The following SENP6 variants were observed in gnomAD, a reference collection of about 807,000 sequenced individuals.
SENP6 encodes the protein SUMO specific peptidase 6.
A neutral mutation model predicts 134.5 loss-of-function variants in SENP6; 41 were observed. That is an observed-to-expected ratio of 0.30 (90% CI 0.24 to 0.40). The LOEUF is 0.40. Ranked by LOEUF, SENP6 falls within the 10% of genes least tolerant of loss-of-function variation. The probability of loss-of-function intolerance (pLI) is 1.00; values close to 1 mark genes in which losing one functional copy is unlikely to be tolerated. For missense variants in SENP6, 1,248 were observed against 1,312.5 expected, an observed-to-expected ratio of 0.95 and a Z score of 0.76; for synonymous variants, 395 against 429.8, an observed-to-expected ratio of 0.92 and a Z score of 1.00.
rs1277000931 is a variant in SENP6 at position 75,716,645 on chromosome 6, G to A, written c.*1051G>A. ...CCTTTAAAATAACTAAAATTTGATG[G>A]TTTCCATGACAGATTTATAGCACAT... On this transcript the variant is annotated 3_prime_UTR_variant, in exon 24 of 24. Transcript: ENST00000447266. 1 of 151,786 alleles carries A rather than the reference G, an allele frequency of 6.6e-6. No individual in the cohort carries two copies. Among genetic ancestry groups the A allele is most frequent in the Non-Finnish European group, 1.5e-5 (1 of 67,790 alleles). 9.4% of individuals were successfully genotyped at this position (151,786 alleles called of 1,614,324 possible). A position where few individuals can be genotyped will look rare whatever the true frequency, so the allele number is the denominator to read the frequency against.
intron 1 of SENP6, among the ~76,000 whole-genome samples, chr6:75,616,806 T>G (rs2149824874): frequency 6.6e-6 from 1 of 150,602 alleles, no homozygotes; most frequent in East Asian, 2.0e-4. Flanking sequence ...AGTGCATAAA[T>G]ATTACGACGT....
intron 7 of SENP6, among the ~76,000 whole-genome samples, chr6:75,650,039 A>G (rs1770751687): frequency 6.6e-6 from 1 of 152,158 alleles, no homozygotes; most frequent in African/African-American, 2.4e-5. Context: ...TCCACGATTC[A>G]TTCTGTGATC....
Position 75,623,908 on chromosome 6 carries a change from A to G in SENP6, c.155A>G (p.Asn52Ser). 1 of 1,607,216 alleles carries G rather than the reference A, an allele frequency of 6.2e-7. No homozygotes were observed. The highest frequency in any genetic ancestry group is 8.5e-7 in the Non-Finnish European group (1 of 1,176,456). ...SEGDTDKDGTNLLSVDEDEDS... is the reference protein window; with the variant it reads ...SEGDTDKDGTSLLSVDEDEDS... ...CCTTATTTTCTGTGTAGTGGGACAA[A>G]TCTGCTCAGTGTGGATGAAGATGAG... Residue 52 changes from asparagine (N) to serine (S), a missense_variant, in exon 3 of 24, where the codon AAT becomes AGT. Transcript: ENST00000447266.
intron 7 of SENP6, among the ~76,000 whole-genome samples, chr6:75,649,176 A>G (rs935945611): frequency 3.9e-5 from 6 of 152,028 alleles, no homozygotes; most frequent in Non-Finnish European, 8.8e-5. Flanking sequence ...TTAGCTGGGC[A>G]TGATGGCACA....
intron 3 of SENP6, among the ~76,000 whole-genome samples, chr6:75,626,140 G>GTTA (rs890357793): frequency 8.6e-5 from 13 of 151,536 alleles, no homozygotes; most frequent in African/African-American, 2.4e-4. Flanking sequence ...TGTTGTTGTT[G>GTTA]TTGTTTTTTA....
At chr6:75,625,112 CT>C (rs34953351) in intron 3 of SENP6, among the ~76,000 whole-genome samples, 1,295 of 112,086 alleles carry the variant, frequency 0.012, 14 homozygotes, top group African/African-American at 0.036. Context: ...TGTGTGTGTC[CT>C]TTTTTTTTTT....
In SENP6 at chr6:75,663,327, CAGGATT is replaced by C. The variant is rs1487316456; in HGVS notation, c.805_810del (p.Gly269_Leu270del). The C allele has an allele frequency of 6.2e-7, 1 of 1,613,698 alleles. No individual in the cohort carries two copies. The highest frequency in any genetic ancestry group is 8.5e-7 in the Non-Finnish European group (1 of 1,179,812). On this transcript the variant is annotated inframe_deletion, in exon 9 of 24. Transcript: ENST00000447266. The stretch of plus-strand genomic sequence containing the variant: ...TCTGGAGGACAGAAGTCACAAAACA[CAGGATT>C]AACAACCAAGAAGTTTTATGGCAAC...
At chr6:75,712,878 G>A (rs775179671) in intron 21 of SENP6, among the ~76,000 whole-genome samples, 4 of 152,124 alleles carry the variant, frequency 2.6e-5, no homozygotes, top group African/African-American at 4.8e-5. Context: ...GCTGAGGTGG[G>A]CAGATAGCTT....
intron 9 of SENP6, among the ~76,000 whole-genome samples, chr6:75,666,246 A>C (rs990589557): frequency 6.8e-6 from 1 of 147,338 alleles, no homozygotes; most frequent in African/African-American, 2.5e-5. Context: ...GATATATAAA[A>C]TATATATACG....
chr6:75,622,621 C>T, intron 2 of SENP6: 1 of 371,818 alleles, frequency 2.7e-6, no homozygotes, highest in East Asian at 7.6e-5. Flanking sequence ...ATCTGGTTTT[C>T]TGCTGGCCAA....
rs760275710 is a variant in SENP6, at chr6:75,715,434, C to T, written c.3179C>T (p.Pro1060Leu). Reference sequence around the variant, plus strand: ...CCTATGAATTTGGCAAACTGGTTTCCTCCACCAAGAATGAGAACAAAAAGA... The same window carrying T: ...CCTATGAATTTGGCAAACTGGTTTCTTCCACCAAGAATGAGAACAAAAAGA... ...ELPMNLANWF[P>L]PPRMRTKREE... The change falls in exon 24 of 24, where the codon CCT becomes CTT. Residue 1060 changes from proline (P) to leucine (L), a missense_variant. Pro to Leu is a moderately conservative substitution (Grantham distance 98). Transcript: ENST00000447266. 6.2e-7 allele frequency: 1 copy of T among 1,613,328 alleles called. No homozygotes were observed. The highest frequency in any genetic ancestry group is 8.5e-7 in the Non-Finnish European group (1 of 1,179,560).
intron 16 of SENP6, among the ~76,000 whole-genome samples, chr6:75,684,717 T>A (rs1242573121): frequency 6.6e-6 from 1 of 152,238 alleles, no homozygotes; most frequent in Non-Finnish European, 1.5e-5. Flanking sequence ...TTTGCATATG[T>A]TGAACCAGCC....
chr6:75,713,570 A>G lies in SENP6; in HGVS notation c.2967A>G (p.Lys989=). 6.2e-7 allele frequency: 1 copy of G among 1,613,718 alleles called. No individual in the cohort carries two copies. The highest frequency in any genetic ancestry group is 8.5e-7 in the Non-Finnish European group (1 of 1,179,738). Residue 989 remains lysine (K), a synonymous_variant, in exon 22 of 24, where the codon AAA becomes AAG. Transcript: ENST00000447266. ...LRGPSRSNVV[K]ILREYLEVEW... ...GCCCTTCTCGGTCAAATGTTGTCAA[A>G]ATTTTAAGAGAGTAAGTTCACACTT...
chr6:75,610,976 T>G (rs1476798477), intron 1 of SENP6: 2 of 152,254 alleles, frequency 1.3e-5, no homozygotes, highest in African/African-American at 2.4e-5. Context: ...CACTTTTCAT[T>G]TTTAATAAAG....
In SENP6 at chr6:75,634,787, C is replaced by T. The variant is rs780295357; in HGVS notation, c.434C>T (p.Pro145Leu). The T allele has an allele frequency of 6.2e-7, 1 of 1,601,872 alleles. No homozygotes were observed. ...TTTCATCATGCTCATGCACAGATAC[C>T]AGTAGTAAAAACAGCAGCCCAAAGG... is the stretch of plus-strand genomic sequence containing the variant. ...RRFHHAHAQI[P>L]VVKTAAQSSL... Residue 145 changes from proline to leucine, a missense_variant, in exon 5 of 24, where the codon CCA becomes CTA. Transcript: ENST00000447266.
intron 3 of SENP6, among the ~76,000 whole-genome samples, chr6:75,624,807 T>G (rs1225644373): frequency 6.6e-6 from 1 of 152,176 alleles, no homozygotes; most frequent in Non-Finnish European, 1.5e-5. Context: ...TGCATCTTAT[T>G]AAGATAGCAT....
rs532324883 is a variant in SENP6, at chr6:75,663,670, T to TA, written c.994+160dup. 517 of 602,928 alleles carry TA rather than the reference T, an allele frequency of 8.6e-4. 2 individuals carry two copies. The highest frequency in any genetic ancestry group is 1.9e-3 in the South Asian group (68 of 35,854). The allele number at this position is 602,928 out of a possible 1,614,324, so 37.3% of individuals were successfully genotyped here. The stretch of plus-strand genomic sequence containing the variant: ...TCTCATCCTGTCCATCTTAAATAGT[T>TA]AAAAAAAACAAAAAAAAGAACCACA... On this transcript the variant is annotated intron_variant, in intron 9 of 23. Transcript: ENST00000447266.
chr6:75,668,236 A>G (rs192139134), intron 10 of SENP6, among the ~76,000 whole-genome samples: 1 of 152,300 alleles, frequency 6.6e-6, no homozygotes, highest in African/African-American at 2.4e-5. Flanking sequence ...TAATATTTTT[A>G]TATAATCTTA....
At position 75,705,924 on chromosome 6, in the gene SENP6, C is replaced by CTTTTTTTTTTTTTTTTTTTTTTTTTTT. The variant is rs1562073188; in HGVS notation, c.2716+2852_2716+2853insTTTTTTTTTTTTTTTTTTTTTTTTTTT. ...AGTGAGTTAGAAAGCTATTTTTGAG[C>CTTTTTTTTTTTTTTTTTTTTTTTTTTT]CTTTTTTTTTTTTTTTTTTTTTTTT... On this transcript the variant is annotated intron_variant, in intron 19 of 23. Coordinates refer to ENST00000447266, the MANE Select transcript of SENP6 (RefSeq NM_015571.4). 4.6e-3 allele frequency among the ~76,000 whole-genome samples: 407 copies of CTTTTTTTTTTTTTTTTTTTTTTTTTTT among 89,272 alleles called. 137 individuals carry two copies. Among genetic ancestry groups the CTTTTTTTTTTTTTTTTTTTTTTTTTTT allele is most frequent in the Middle Eastern group, 0.014 (2 of 140 alleles). 58.6% of individuals were successfully genotyped at this position (89,272 alleles called of 152,430 possible).
Sources: gnomAD v4.1 joint callset for allele counts (sites outside exome capture counted in the v4.1 genomes callset) on GRCh38, gnomAD v4.1.1 for gene constraint, MANE v1.5 for transcripts, NCBI Gene and HGNC (gene_info 2026-07-23, HGNC 2026-07-21) for gene names.